The following AKAP7 variants were observed in gnomAD, a reference collection of about 807,000 sequenced individuals.
AKAP7 encodes the protein A-kinase anchoring protein 7, also known as A kinase (PRKA) anchor protein 7.
Under a neutral mutation model 39.5 loss-of-function variants are expected in AKAP7, and 39 were observed. That is an observed-to-expected ratio of 0.99 (90% CI 0.76 to 1.29). The LOEUF is 1.29. Ranked by LOEUF, AKAP7 falls within the 50% of genes most tolerant of loss-of-function variation. The pLI, the probability that AKAP7 is intolerant of heterozygous loss-of-function variation, is 0.00. For missense variants in AKAP7, 414 were observed against 407.7 expected (o/e 1.02, Z -0.13); for synonymous variants, 140 against 139.1 (o/e 1.01, Z -0.05).
chr6:131,199,639 G>T, intron 6 of AKAP7, 66 bp downstream of exon 6: 1 of 1,266,198 alleles, frequency 7.9e-7, no homozygotes. Flanking sequence ...ATGGTCTGGA[G>T]CACGAGTGAC....
chr6:131,267,751 G>A (rs1813931381), intron 7 of AKAP7, among the ~76,000 whole-genome samples: 1 of 152,108 alleles, frequency 6.6e-6, no homozygotes, highest in South Asian at 2.1e-4. Flanking sequence ...ATCACCTCCT[G>A]CAATTCACTT....
At chr6:131,259,188 A>G (rs1230301299) in intron 7 of AKAP7, among the ~76,000 whole-genome samples, 1 of 152,202 alleles carries the variant, frequency 6.6e-6, no homozygotes, top group African/African-American at 2.4e-5. Flanking sequence ...AAGCATTTTA[A>G]ATGTTCAGCT....
intron 7 of AKAP7, among the ~76,000 whole-genome samples, chr6:131,248,506 C>T (rs777447706): frequency 1.2e-4 from 18 of 152,172 alleles, no homozygotes; most frequent in Middle Eastern, 3.2e-3. Flanking sequence ...GGTTGTTAGG[C>T]TATTTCCTTT....
intron 7 of AKAP7, among the ~76,000 whole-genome samples, chr6:131,237,567 A>T (rs900369413): frequency 2.6e-5 from 4 of 152,056 alleles, no homozygotes; most frequent in Non-Finnish European, 5.9e-5. Flanking sequence ...GCTATTAATT[A>T]TTGCCTCAAT....
chr6:131,186,416 T>A (rs1805862892), intron 5 of AKAP7, among the ~76,000 whole-genome samples: 1 of 152,154 alleles, frequency 6.6e-6, no homozygotes, highest in African/African-American at 2.4e-5. Flanking sequence ...TTATAAGTTA[T>A]CCAGTCTCAG....
chr6:131,268,651 A>G (rs1054150785), intron 7 of AKAP7, among the ~76,000 whole-genome samples: 2 of 152,224 alleles, frequency 1.3e-5, no homozygotes, highest in Admixed American at 6.5e-5. Flanking sequence ...GCCGACGTAC[A>G]TCGGTGAACA....
chr6:131,157,677 A>G (rs1043982785), intron 2 of AKAP7, among the ~76,000 whole-genome samples: 1 of 152,252 alleles, frequency 6.6e-6, no homozygotes, highest in African/African-American at 2.4e-5. Flanking sequence ...CATAATTCTT[A>G]TAACACAGAT....
At chr6:131,241,625 G>GTATATATATATA (rs1372694997) in intron 7 of AKAP7, among the ~76,000 whole-genome samples, 13,731 of 65,090 alleles carry the variant, frequency 0.21, 1,747 homozygotes, top group Middle Eastern at 0.3. Flanking sequence ...GTGTGTGTGT[G>GTATATATATATA]TGTATATATA....
At chr6:131,215,846 G>A (rs990204620) in intron 6 of AKAP7, among the ~76,000 whole-genome samples, 1 of 152,198 alleles carries the variant, frequency 6.6e-6, no homozygotes, top group African/African-American at 2.4e-5. Flanking sequence ...TGCCCAAAAT[G>A]GAAAGCGAGT....
chr6:131,238,322 G>C (rs1216131907), intron 7 of AKAP7, among the ~76,000 whole-genome samples: 1 of 152,070 alleles, frequency 6.6e-6, no homozygotes, highest in African/African-American at 2.4e-5. Flanking sequence ...TGCTTTACTT[G>C]CAACTAAGTG....
At chr6:131,263,348 G>A (rs1317191018) in intron 7 of AKAP7, among the ~76,000 whole-genome samples, 2 of 152,148 alleles carry the variant, frequency 1.3e-5, no homozygotes, top group Non-Finnish European at 2.9e-5. Context: ...GCTTCACTCA[G>A]TGATGGGGAT....
intron 5 of AKAP7, among the ~76,000 whole-genome samples, chr6:131,190,072 A>G (rs1008430924): frequency 2.6e-5 from 4 of 152,202 alleles, no homozygotes; most frequent in Non-Finnish European, 5.9e-5. Flanking sequence ...ACATTGCTCG[A>G]ACCATTACCT....
rs140051958 is a variant in AKAP7, at chr6:131,172,059, G to A, written c.589+2786G>A. Among the ~76,000 whole-genome samples the A allele has an allele frequency of 5.5e-4, 83 of 152,260 alleles. 1 individual carries two copies. Among genetic ancestry groups the A allele is most frequent in the African/African-American group, 1.9e-3 (78 of 41,558 alleles). ...TTCATAGAGAGTATGAAGAAACTTT[G>A]TTCGTTGACGTCACAAAGAAAAACA... On this transcript the variant is annotated intron_variant, in intron 5 of 7. Coordinates refer to ENST00000431975, the MANE Select transcript of AKAP7 (RefSeq NM_016377.4).
At chr6:131,226,244 A>G (rs536125273) in intron 7 of AKAP7, among the ~76,000 whole-genome samples, 4 of 152,290 alleles carry the variant, frequency 2.6e-5, no homozygotes, top group East Asian at 3.8e-4. Context: ...CCTGCTTTAC[A>G]TTTCTATGGT....
chr6:131,186,959 T>C (rs958200260), intron 5 of AKAP7, among the ~76,000 whole-genome samples: 3 of 152,198 alleles, frequency 2.0e-5, no homozygotes, highest in Non-Finnish European at 4.4e-5. Context: ...GAGCTTTCTA[T>C]TCTATTTCAT....
intron 7 of AKAP7, among the ~76,000 whole-genome samples, chr6:131,267,556 G>T (rs1303808571): frequency 6.6e-6 from 1 of 152,028 alleles, no homozygotes; most frequent in Non-Finnish European, 1.5e-5. Context: ...GAGCCTTCAG[G>T]GTCTCTCCCT....
chr6:131,183,700 C>G (rs1299399600), intron 5 of AKAP7, among the ~76,000 whole-genome samples: 1 of 152,208 alleles, frequency 6.6e-6, no homozygotes, highest in East Asian at 1.9e-4. Context: ...GCTGCTCCCC[C>G]TGGGGTGGGG....
At chr6:131,147,081 G>A (rs1801543552) in intron 2 of AKAP7, among the ~76,000 whole-genome samples, 1 of 152,162 alleles carries the variant, frequency 6.6e-6, no homozygotes, top group Non-Finnish European at 1.5e-5. Flanking sequence ...CTAGGTGTTT[G>A]GCAAGAGTAG....
chr6:131,260,434 G>A lies in AKAP7; in HGVS notation c.851-21096G>A, dbSNP rs895159622. The stretch of plus-strand genomic sequence containing the variant: ...ACATTCCCACCAACAGTGTAAAAGT[G>A]TTCCTGTTTCTCCAGCCTCGCCAGC... On this transcript the variant is annotated intron_variant, in intron 7 of 7. Coordinates refer to ENST00000431975, the MANE Select transcript of AKAP7 (RefSeq NM_016377.4). 2.0e-5 allele frequency among the ~76,000 whole-genome samples: 3 copies of A among 152,246 alleles called. No homozygotes were observed. In the South Asian group the frequency reaches 6.2e-4, roughly 32 times the overall value.
Sources: gnomAD v4.1 joint callset for allele counts (sites outside exome capture counted in the v4.1 genomes callset) on GRCh38, gnomAD v4.1.1 for gene constraint, MANE v1.5 for transcripts, NCBI Gene and HGNC (gene_info 2026-07-23, HGNC 2026-07-21) for gene names.